The following TECTA variants were observed in gnomAD, a reference collection of about 807,000 sequenced individuals.
The protein encoded by TECTA is tectorin alpha.
A neutral mutation model predicts 216.8 loss-of-function variants in TECTA; 128 were observed. The observed-to-expected ratio is 0.59, with a 90% confidence interval of 0.51 to 0.68. The LOEUF (loss-of-function observed/expected upper bound fraction) is 0.68, where lower values mean the gene tolerates loss of function less well. Among genes scored for constraint, TECTA ranks in the 30% least tolerant of loss-of-function variants. The probability of loss-of-function intolerance (pLI) is 0.00; values close to 1 mark genes in which losing one functional copy is unlikely to be tolerated. For synonymous variants in TECTA, 1,089 were observed against 1,117.1 expected (o/e 0.97, Z 0.50); for missense variants, 2,551 against 2,786.2 (o/e 0.92, Z 1.90).
chr11:121,108,721 T>C (rs1371085622), intron 3 of TECTA, among the ~76,000 whole-genome samples: 1 of 125,356 alleles, frequency 8.0e-6, no homozygotes, highest in Non-Finnish European at 1.7e-5. Context: ...ATACCCCCAC[T>C]CCAGTACACA....
At chr11:121,104,198 A>G (rs1946371134) in intron 2 of TECTA, among the ~76,000 whole-genome samples, 2 of 152,246 alleles carry the variant, frequency 1.3e-5, no homozygotes, top group Non-Finnish European at 2.9e-5. Context: ...TGTTACTGTT[A>G]ACTTCAGAAA....
intron 20 of TECTA, among the ~76,000 whole-genome samples, chr11:121,170,072 T>C (rs1591465171): frequency 6.6e-6 from 1 of 152,208 alleles, no homozygotes; most frequent in Non-Finnish European, 1.5e-5. Flanking sequence ...ATCAACTTTT[T>C]AAGCTCCCAC....
At chr11:121,130,885 AG>A (rs1249591887) in intron 10 of TECTA, among the ~76,000 whole-genome samples, 1 of 152,088 alleles carries the variant, frequency 6.6e-6, no homozygotes, top group Non-Finnish European at 1.5e-5. Context: ...CCCACCACAA[AG>A]GTGGGCCCCA....
intron 20 of TECTA, among the ~76,000 whole-genome samples, chr11:121,169,522 T>G (rs1000943846): frequency 2.0e-5 from 3 of 152,212 alleles, no homozygotes; most frequent in Non-Finnish European, 4.4e-5. Flanking sequence ...TCTGGTTACA[T>G]TAGACAGTTT....
At chr11:121,186,151 C>G (rs7950983) in intron 20 of TECTA, among the ~76,000 whole-genome samples, 1,489 of 132,040 alleles carry the variant, frequency 0.011, 1 homozygote, top group African/African-American at 0.042. Context: ...AGCAGATGTT[C>G]AATGCTTAAT....
chr11:121,158,207 G>A lies in TECTA; in HGVS notation c.4672G>A (p.Asp1558Asn), dbSNP rs770705318. ...YINEEQILIN[D>N]RNTVKVNGTQ... is the part of the protein sequence containing the mutation. ...TAACGAAGAGCAGATTCTCATCAAC[G>A]ACCGGAACACGGTCAAGGTAACCAG... Residue 1558 changes from aspartate (D) to asparagine (N), a missense_variant, in exon 14 of 24, where the codon GAC (aspartate) becomes AAC (asparagine). By Grantham distance (23) the Asp-to-Asn change is conservative. Coordinates refer to ENST00000392793, the MANE Select transcript of TECTA (RefSeq NM_005422.4). 4.3e-6 allele frequency: 7 copies of A among 1,612,982 alleles called. No individual in the cohort carries two copies. The African/African-American group carries it at 8.0e-5, about 18-fold the overall frequency.
In TECTA at chr11:121,137,717, G is replaced by T. The variant is rs1332117462; in HGVS notation, c.3238G>T (p.Asp1080Tyr). The change falls in exon 11 of 24, where the codon GAT (aspartate) becomes TAT (tyrosine). Residue 1080 changes from aspartate to tyrosine, a missense_variant. Coordinates refer to ENST00000392793, the MANE Select transcript of TECTA (RefSeq NM_005422.4). ...VHCETIPCKD[D>Y]EYCMEEGGLY... ...CTGCGAGACCATTCCCTGCAAGGAT[G>T]ATGAGTACTGCATGGAGGAAGGTGG... 1 of 1,614,154 alleles carries T rather than the reference G, an allele frequency of 6.2e-7. No individual in the cohort carries two copies. Among genetic ancestry groups the T allele is most frequent in the South Asian group, 1.1e-5 (1 of 91,076 alleles).
intron 21 of TECTA, among the ~76,000 whole-genome samples, 174 bp downstream of exon 21, chr11:121,188,168 C>T (rs1947306401): frequency 6.6e-6 from 1 of 152,190 alleles, no homozygotes; most frequent in Admixed American, 6.5e-5. Context: ...TATCTATTTA[C>T]TCTTCTATCT....
At position 121,157,912 on chromosome 11, in the gene TECTA, C is replaced by T; in HGVS notation, c.4377C>T (p.Cys1459=). The change falls in exon 14 of 24, where the codon TGC becomes TGT. Residue 1459 remains cysteine, a synonymous_variant. Coordinates refer to ENST00000392793, the MANE Select transcript of TECTA (RefSeq NM_005422.4). ...GTTTCCGTCGCAACGTGATTCAGTG[C>T]GACCCGCGCCAATGCAAGTCAGACG... is the stretch of plus-strand genomic sequence containing the variant. ...CRCFRRNVIQ[C]DPRQCKSDEE... 1 of 1,614,186 alleles carries T rather than the reference C, an allele frequency of 6.2e-7. No individual in the cohort carries two copies. Among genetic ancestry groups the T allele is most frequent in the South Asian group, 1.1e-5 (1 of 91,086 alleles).
At position 121,105,771 on chromosome 11, in the gene TECTA, T is replaced by A; in HGVS notation, c.65-60T>A. On this transcript the variant is annotated intron_variant, in intron 2 of 23. Coordinates refer to ENST00000392793, the MANE Select transcript of TECTA (RefSeq NM_005422.4). The surrounding 1 kb of genome is among the most constrained non-coding windows in gnomAD (Gnocchi z 5.3). ...AGCTGGCTTCAGTAGGTAGGAGAGA[T>A]GTAGATTGCCAAACGGCAGAGGGAG... 6.2e-7 allele frequency: 1 copy of A among 1,609,678 alleles called. No individual in the cohort carries two copies.
intron 16 of TECTA, among the ~76,000 whole-genome samples, chr11:121,164,374 T>G (rs940447236): frequency 1.4e-4 from 22 of 152,252 alleles, no homozygotes; most frequent in Non-Finnish European, 3.1e-4. Flanking sequence ...ATTGAACAGT[T>G]GTTTCTTTAG....
intron 12 of TECTA, 163 bp downstream of exon 12, chr11:121,146,279 C>A (rs1946838275): frequency 2.6e-6 from 2 of 781,166 alleles, no homozygotes; most frequent in Non-Finnish European, 4.2e-6. Context: ...TGACATGTAA[C>A]CTCTTGGAGC....
At position 121,137,406 on chromosome 11, in the gene TECTA, C is replaced by T. The variant is rs1231373761; in HGVS notation, c.2942-15C>T. 1.2e-6 allele frequency: 2 copies of T among 1,613,768 alleles called. No homozygotes were observed. The highest frequency in any genetic ancestry group is 2.7e-5 in the African/African-American group (2 of 74,862). Reference sequence around the variant, plus strand: ...GTCCTTTTCTCAAACCCGTCTTCTCCTTGACCACCTGCAGCACTGGAGTGC... The same window carrying T: ...GTCCTTTTCTCAAACCCGTCTTCTCTTTGACCACCTGCAGCACTGGAGTGC... On this transcript the variant is annotated splice_polypyrimidine_tract_variant and intron_variant, in intron 10 of 23. Transcript: ENST00000392793.
chr11:121,117,997 C>T lies in TECTA; in HGVS notation c.791-309C>T, dbSNP rs55735462. The stretch of plus-strand genomic sequence containing the variant: ...ACCCTTTTCCATGGATTCATGATAA[C>T]GTGGTTTTCCTTGAATGTGAGTTTG... On this transcript the variant is annotated intron_variant, in intron 6 of 23. Coordinates refer to ENST00000392793, the MANE Select transcript of TECTA (RefSeq NM_005422.4). Among the ~76,000 whole-genome samples the T allele has an allele frequency of 7.1e-3, 1,084 of 152,250 alleles. 9 individuals are homozygous for T. Among genetic ancestry groups the T allele is most frequent in the Non-Finnish European group, 0.012 (825 of 68,022 alleles).
At position 121,168,326 on chromosome 11, in the gene TECTA, A is replaced by G. The variant is rs1947076705; in HGVS notation, c.5750+109A>G. ...TCTTTGATGCCCTAGGAAAAACATA[A>G]TTCACGTTTCTTGAGCCTAAATGCT... On this transcript the variant is annotated intron_variant, in intron 19 of 23. Transcript: ENST00000392793. The G allele has an allele frequency of 4.9e-6, 7 of 1,440,390 alleles. No homozygotes were observed. In the South Asian group the frequency reaches 6.9e-5, roughly 14 times the overall value. 89.2% of individuals were successfully genotyped at this position (1,440,390 alleles called of 1,614,324 possible).
At chr11:121,130,758 C>G (rs547321215) in intron 10 of TECTA, among the ~76,000 whole-genome samples, 25 of 152,284 alleles carry the variant, frequency 1.6e-4, no homozygotes, top group African/African-American at 5.5e-4. Flanking sequence ...CTGGGAAGAC[C>G]TGATACGTAA....
chr11:121,152,795 C>A, intron 12 of TECTA, 86 bp from the exon 13 acceptor site: 1 of 1,434,538 alleles, frequency 7.0e-7, no homozygotes. Context: ...CCTTTCATCT[C>A]CCTGAGTAGG....
At chr11:121,119,123 T>C (rs1299873535) in intron 7 of TECTA, among the ~76,000 whole-genome samples, 1 of 152,010 alleles carries the variant, frequency 6.6e-6, no homozygotes, top group Non-Finnish European at 1.5e-5. Flanking sequence ...CTGGAGATGG[T>C]ACAAACACAA....
chr11:121,137,629 C>A lies in TECTA; in HGVS notation c.3150C>A (p.Thr1050=), dbSNP rs769892424. ...GGCACCAACTTGCCACCAATGAGAC[C>A]TTCTGGGTGGACCTGGACTGCCAGA... ...FEGHQLATNE[T]FWVDLDCQIF... The change falls in exon 11 of 24, where the codon ACC becomes ACA. Residue 1050 remains threonine (T), a synonymous_variant. Coordinates refer to ENST00000392793, the MANE Select transcript of TECTA (RefSeq NM_005422.4). 1 of 1,614,032 alleles carries A rather than the reference C, an allele frequency of 6.2e-7. No homozygotes were observed.
Sources: gnomAD v4.1 joint callset for allele counts (sites outside exome capture counted in the v4.1 genomes callset) on GRCh38, gnomAD v4.1.1 for gene constraint, Gnocchi (gnomAD v3.1) non-coding constraint, MANE v1.5 for transcripts, NCBI Gene and HGNC (gene_info 2026-07-23, HGNC 2026-07-21) for gene names.